Variants in PCDHGA2 observed in about 807,000 individuals in gnomAD.
The protein encoded by PCDHGA2 is protocadherin gamma-A2.
Under a neutral mutation model 59.2 loss-of-function variants are expected in PCDHGA2, and 40 were observed. That is an observed-to-expected ratio of 0.68 (90% confidence interval 0.52 to 0.88). PCDHGA2 has a LOEUF of 0.88. PCDHGA2 is among the 40% of genes least tolerant of loss of function. The pLI, the probability that PCDHGA2 is intolerant of heterozygous loss-of-function variation, is 0.00. For synonymous variants in PCDHGA2, 560 were observed against 526.0 expected (o/e 1.06, Z -0.89); for missense variants, 1,226 against 1,204.0 (o/e 1.02, Z -0.27).
intron 1 of PCDHGA2, chr5:141,370,358 T>A (rs772671669): frequency 4.8e-5 from 73 of 1,513,438 alleles, no homozygotes; most frequent in Non-Finnish European, 6.2e-5. Context: ...AGATCTCCTC[T>A]CCTCGGATTT....
At chr5:141,407,707 G>A (rs894295431) in intron 1 of PCDHGA2, among the ~76,000 whole-genome samples, 1 of 151,964 alleles carries the variant, frequency 6.6e-6, no homozygotes, top group African/African-American at 2.4e-5. Flanking sequence ...TTGAAGGTGG[G>A]GTGATGGCTA....
At chr5:141,460,465 AAAGG>A (rs2098989932) in intron 1 of PCDHGA2, among the ~76,000 whole-genome samples, 1 of 152,088 alleles carries the variant, frequency 6.6e-6, no homozygotes, top group Non-Finnish European at 1.5e-5. Context: ...ATTTTTTTCC[AAAGG>A]AATATCCAAT....
chr5:141,411,028 T>C (rs2095458130), intron 1 of PCDHGA2: 1 of 163,058 alleles, frequency 6.1e-6, no homozygotes, highest in Admixed American at 6.2e-5. Flanking sequence ...TTTTTTGTAT[T>C]TTTAGTAGAC....
intron 1 of PCDHGA2, chr5:141,383,627 C>G: frequency 1.2e-6 from 2 of 1,613,952 alleles, no homozygotes; most frequent in South Asian, 1.1e-5. Context: ...CCTGTCTTCT[C>G]TCTGCCTCAG....
At position 141,341,124 on chromosome 5, in the gene PCDHGA2, G is replaced by C. The variant is rs780403624; in HGVS notation, c.2153G>C (p.Arg718Pro). The stretch of plus-strand genomic sequence containing the variant: ...GTGTTGCTGGCGCACAGGCTGCGGC[G>C]CTGGCACAAGTCACGCCTGCTGCAG... ...VIVLLAHRLR[R>P]WHKSRLLQAS... is the part of the protein sequence containing the mutation. Residue 718 changes from arginine (R) to proline (P), a missense_variant, in exon 1 of 4, where the codon CGC (arginine) becomes CCC (proline). Arg to Pro is a moderately radical substitution (Grantham distance 103, BLOSUM62 -2). Coordinates refer to ENST00000394576, the MANE Select transcript of PCDHGA2 (RefSeq NM_018915.4). 3.7e-6 allele frequency: 6 copies of C among 1,614,094 alleles called. No individual in the cohort carries two copies. The highest frequency in any genetic ancestry group is 1.1e-5 in the South Asian group (1 of 91,088).
chr5:141,494,778 C>CA, intron 1 of PCDHGA2, 29 bp from the exon 2 acceptor site: 1 of 1,614,086 alleles, frequency 6.2e-7, no homozygotes, highest in Non-Finnish European at 8.5e-7. Context: ...CACGGGTACT[C>CA]AGCCCCTTTC....
At chr5:141,462,157 A>C (rs1232551906) in intron 1 of PCDHGA2, among the ~76,000 whole-genome samples, 1 of 151,394 alleles carries the variant, frequency 6.6e-6, no homozygotes, top group African/African-American at 2.4e-5. Flanking sequence ...ATGGGGTTTC[A>C]TCATGTTGGC....
At position 141,477,458 on chromosome 5, in the gene PCDHGA2, T is replaced by C; in HGVS notation, c.2425-17349T>C. 6.2e-7 allele frequency: 1 copy of C among 1,614,126 alleles called. No homozygotes were observed. The highest frequency in any genetic ancestry group is 8.5e-7 in the Non-Finnish European group (1 of 1,180,022). ...CCTTACAATAGTGCGTGTTCAAGTG[T>C]CCGACATCAATGACAACCCTCCACA... On this transcript the variant is annotated intron_variant, in intron 1 of 3. Transcript: ENST00000394576. This position sits in a 1 kb window ranked among gnomAD's most constrained non-coding sequence, Gnocchi z 4.9.
rs1391302749 is a variant in PCDHGA2 at position 141,344,602 on chromosome 5, A to G, written c.2424+3207A>G. On this transcript the variant is annotated intron_variant, in intron 1 of 3. Coordinates refer to ENST00000394576, the MANE Select transcript of PCDHGA2 (RefSeq NM_018915.4). ...GTGAATAGCGTCTCTGAGGGGGCCA[A>G]GTATCCAGAGCTGGTGCTGGAGCGG... is the stretch of plus-strand genomic sequence containing the variant. 6 of 1,613,900 alleles carry G rather than the reference A, an allele frequency of 3.7e-6. No homozygotes were observed. The highest frequency in any genetic ancestry group is 5.1e-6 in the Non-Finnish European group (6 of 1,179,896).
intron 1 of PCDHGA2, among the ~76,000 whole-genome samples, chr5:141,448,581 T>A (rs570781751): frequency 2.0e-5 from 3 of 152,274 alleles, no homozygotes; most frequent in African/African-American, 7.2e-5. Context: ...CCATTTTTTT[T>A]ACAAAAAGAT....
rs557973676 is a variant in PCDHGA2, at chr5:141,429,315, T to C, written c.2425-65492T>C. 9.2e-5 allele frequency among the ~76,000 whole-genome samples: 14 copies of C among 152,298 alleles called. No individual in the cohort carries two copies. In the South Asian group the frequency reaches 2.9e-3, roughly 32 times the overall value. ...ACATCAATATTTGAGTATATAAGGC[T>C]TTTTCTTTAATCCATTAACTATAAA... On this transcript the variant is annotated intron_variant, in intron 1 of 3. Transcript: ENST00000394576.
chr5:141,392,758 A>G (rs1589161304), intron 1 of PCDHGA2: 2 of 1,472,462 alleles, frequency 1.4e-6, no homozygotes, highest in Non-Finnish European at 1.8e-6. Context: ...AAGAAACTAA[A>G]TAAGACCCAT....
chr5:141,371,372 T>A lies in PCDHGA2; in HGVS notation c.2424+29977T>A, dbSNP rs73265849. ...GGGTGGAAGCAAAGGATGGTGGACA[T>A]CACACTGCATATTGTAAAGTACAGA... is the stretch of plus-strand genomic sequence containing the variant. On this transcript the variant is annotated intron_variant, in intron 1 of 3. Transcript: ENST00000394576. 2,400 of 1,613,952 alleles carry A rather than the reference T, an allele frequency of 1.5e-3. 32 individuals are homozygous for A. In the African/African-American group the frequency reaches 0.028, roughly 19 times the overall value.
At chr5:141,419,265 C>T in intron 1 of PCDHGA2, 1 of 1,614,040 alleles carries the variant, frequency 6.2e-7, no homozygotes, top group Non-Finnish European at 8.5e-7. Flanking sequence ...CAGCCGGGTG[C>T]CTCCATAGCG....
At chr5:141,350,693 C>T (rs760597498) in intron 1 of PCDHGA2, 1 of 1,613,390 alleles carries the variant, frequency 6.2e-7, no homozygotes, top group Non-Finnish European at 8.5e-7. Flanking sequence ...GTCAGCCTTA[C>T]CCGGGGTAAA....
intron 1 of PCDHGA2, among the ~76,000 whole-genome samples, chr5:141,401,937 T>A (rs531669581): frequency 2.6e-5 from 4 of 152,356 alleles, no homozygotes; most frequent in African/African-American, 7.2e-5. Flanking sequence ...TAGAATAATG[T>A]TTAAGACCAC....
chr5:141,345,232 A>C (rs1156468389), intron 1 of PCDHGA2: 10 of 1,614,014 alleles, frequency 6.2e-6, no homozygotes, highest in Admixed American at 1.7e-5. Context: ...TCAATAGATC[A>C]ATATTACCGC....
intron 1 of PCDHGA2, chr5:141,383,599 G>A: frequency 1.9e-6 from 3 of 1,613,742 alleles, no homozygotes; most frequent in Non-Finnish European, 2.5e-6. Context: ...GACAGTGGTG[G>A]ATGTGAATGA....
chr5:141,402,710 C>T (rs2094297033), intron 1 of PCDHGA2, among the ~76,000 whole-genome samples: 1 of 152,092 alleles, frequency 6.6e-6, no homozygotes, highest in African/African-American at 2.4e-5. Context: ...GGTGTAGTAA[C>T]GGCTTAGGAC....
Sources: allele counts gnomAD v4.1 joint callset (sites outside exome capture counted in the v4.1 genomes callset), GRCh38; gene constraint gnomAD v4.1.1; non-coding constraint Gnocchi (gnomAD v3.1); transcripts MANE v1.5; gene names NCBI Gene and HGNC (gene_info 2026-07-23, HGNC 2026-07-21).